Variants in DTNA observed in about 807,000 individuals in gnomAD.
DTNA encodes the protein dystrobrevin alpha.
Under a neutral mutation model 100.7 loss-of-function variants are expected in DTNA, and 43 were observed. The ratio of observed to expected loss-of-function variants is 0.43; its 90% CI spans 0.33 to 0.55. DTNA has a LOEUF of 0.55. Ranked by LOEUF, DTNA falls within the 20% of genes least tolerant of loss-of-function variation. The pLI is 0.04. For synonymous variants in DTNA, 349 were observed against 347.9 expected, an observed-to-expected ratio of 1.00 and a Z score of -0.04; for missense variants, 798 against 953.9, an observed-to-expected ratio of 0.84 and a Z score of 2.15.
At chr18:34,816,096 T>TA in intron 7 of DTNA, 82 bp downstream of exon 7, 2 of 1,422,866 alleles carry the variant, frequency 1.4e-6, no homozygotes, top group Non-Finnish European at 9.9e-7. Flanking sequence ...AAGCCCAGGC[T>TA]GTTGTTTTAG....
chr18:34,634,765 CATT>C (rs1454601315), intron 1 of DTNA, among the ~76,000 whole-genome samples: 1 of 152,012 alleles, frequency 6.6e-6, no homozygotes, highest in Non-Finnish European at 1.5e-5. Flanking sequence ...AATATGTAGA[CATT>C]GTGGAATGGC....
intron 9 of DTNA, among the ~76,000 whole-genome samples, chr18:34,824,743 T>C (rs2095815387): frequency 6.6e-6 from 1 of 152,038 alleles, no homozygotes; most frequent in African/African-American, 2.4e-5. Flanking sequence ...TTTTCTTTTT[T>C]CTTCTTTTTT....
intron 9 of DTNA, among the ~76,000 whole-genome samples, chr18:34,823,895 T>G (rs922695638): frequency 2.0e-5 from 3 of 152,228 alleles, no homozygotes; most frequent in African/African-American, 7.2e-5. Context: ...TCCTCTGTCC[T>G]GTACTGATGA....
intron 1 of DTNA, among the ~76,000 whole-genome samples, chr18:34,547,540 A>G (rs1468840325): frequency 6.6e-6 from 1 of 152,086 alleles, no homozygotes; most frequent in Admixed American, 6.6e-5. Flanking sequence ...ACTCAATGAA[A>G]ATTACACATT....
chr18:34,779,659 T>C (rs1397168105), intron 3 of DTNA, among the ~76,000 whole-genome samples: 1 of 152,174 alleles, frequency 6.6e-6, no homozygotes, highest in Non-Finnish European at 1.5e-5. Context: ...TCTTCCCTTT[T>C]CAAAGCCCCC....
Position 34,529,745 on chromosome 18 carries a change from A to G in DTNA, c.-2+36231A>G, listed in dbSNP as rs545202823. Among the ~76,000 whole-genome samples the G allele has an allele frequency of 1.2e-4, 18 of 152,242 alleles. No homozygotes were observed. The East Asian group carries it at 3.1e-3, about 26-fold the overall frequency. ...GTCTCTTAATATAAGCTGATATTAC[A>G]GTGTCAAATTGCATGTTAGTAAAAA... is the stretch of plus-strand genomic sequence containing the variant. On this transcript the variant is annotated intron_variant, in intron 1 of 19. Coordinates refer to the DTNA transcript ENST00000283365.
At chr18:34,756,243 T>C (rs2092760515) in intron 2 of DTNA, among the ~76,000 whole-genome samples, 200 bp downstream of exon 2, 1 of 152,224 alleles carries the variant, frequency 6.6e-6, no homozygotes, top group African/African-American at 2.4e-5. Context: ...AATTTGCTAT[T>C]AGACTGTCTA....
intron 1 of DTNA, among the ~76,000 whole-genome samples, chr18:34,726,153 G>A (rs756521260): frequency 6.6e-6 from 1 of 151,944 alleles, no homozygotes; most frequent in Non-Finnish European, 1.5e-5. Flanking sequence ...TGTAAATGAC[G>A]AGTTCATAGG....
chr18:34,746,378 T>G (rs2147914839), intron 1 of DTNA, among the ~76,000 whole-genome samples: 1 of 152,292 alleles, frequency 6.6e-6, no homozygotes, highest in Non-Finnish European at 1.5e-5. Flanking sequence ...TCCCCAAGAC[T>G]TAAGGACTTG....
At chr18:34,865,608 G>T (rs1450160399) in intron 17 of DTNA, among the ~76,000 whole-genome samples, 1 of 152,164 alleles carries the variant, frequency 6.6e-6, no homozygotes, top group African/African-American at 2.4e-5. Context: ...ATAACCTGCT[G>T]CTGTTTCTGG....
chr18:34,671,752 T>C (rs2076786506), intron 1 of DTNA, among the ~76,000 whole-genome samples: 1 of 152,216 alleles, frequency 6.6e-6, no homozygotes, highest in Admixed American at 6.5e-5. Context: ...TCTTCCTTTA[T>C]TTCTTCATTC....
chr18:34,741,702 G>A (rs2090680044), intron 1 of DTNA, among the ~76,000 whole-genome samples: 1 of 151,998 alleles, frequency 6.6e-6, no homozygotes, highest in Non-Finnish European at 1.5e-5. Context: ...TTTTATGCTG[G>A]CATTTATCAG....
intron 4 of DTNA, among the ~76,000 whole-genome samples, chr18:34,800,265 G>A (rs547200784): frequency 1.3e-5 from 2 of 152,326 alleles, no homozygotes; most frequent in African/African-American, 4.8e-5. Context: ...GGGAATAAAT[G>A]ATAAGACAAG....
At position 34,849,559 on chromosome 18, in the gene DTNA, A is replaced by G. The variant is rs184517070; in HGVS notation, c.1434+1176A>G. ...GCCTGTTATTAGCATCCACTGAGAT[A>G]GTAAAATGTGTGAAAGTACTGCATA... is the stretch of plus-strand genomic sequence containing the variant. On this transcript the variant is annotated intron_variant, in intron 14 of 22. Coordinates refer to ENST00000444659, the MANE Select transcript of DTNA (RefSeq NM_001386795.1). Among the ~76,000 whole-genome samples the G allele has an allele frequency of 1.9e-3, 293 of 152,356 alleles. 2 individuals carry two copies. Among genetic ancestry groups the G allele is most frequent in the Middle Eastern group, 0.017 (5 of 294 alleles).
intron 1 of DTNA, among the ~76,000 whole-genome samples, chr18:34,623,430 A>G (rs1184393930): frequency 6.6e-6 from 1 of 152,220 alleles, no homozygotes; most frequent in Non-Finnish European, 1.5e-5. Context: ...AATGTATAGT[A>G]CAAAAATTTT....
chr18:34,575,401 C>T (rs1231278584), intron 1 of DTNA, among the ~76,000 whole-genome samples: 1 of 152,174 alleles, frequency 6.6e-6, no homozygotes, highest in Non-Finnish European at 1.5e-5. Context: ...CTTACTATAT[C>T]CAACACCTAG....
intron 1 of DTNA, among the ~76,000 whole-genome samples, chr18:34,721,729 TATC>T (rs1438379725): frequency 6.6e-6 from 1 of 152,234 alleles, no homozygotes; most frequent in Non-Finnish European, 1.5e-5. Flanking sequence ...TATACAATTT[TATC>T]TTGCCTATGA....
rs187249790 is a variant in DTNA, at chr18:34,613,602, T to A, written c.-2+120088T>A. Among the ~76,000 whole-genome samples, 8 of 152,322 alleles carry A rather than the reference T, an allele frequency of 5.3e-5. No homozygotes were observed. The East Asian group carries it at 1.5e-3, about 29-fold the overall frequency. On this transcript the variant is annotated intron_variant, in intron 1 of 19. Coordinates refer to the DTNA transcript ENST00000283365. ...CTTATTGCTGATATAAAGAAAATTTTACCCATCTGGGAGGAAGATCAAATT... is the reference window on the plus strand; with the variant it reads ...CTTATTGCTGATATAAAGAAAATTTAACCCATCTGGGAGGAAGATCAAATT...
chr18:34,637,294 A>T (rs1416250204), intron 1 of DTNA, among the ~76,000 whole-genome samples: 1 of 152,184 alleles, frequency 6.6e-6, no homozygotes, highest in African/African-American at 2.4e-5. Context: ...CCAGGATTTA[A>T]TTAAGTGCAG....
Sources: allele counts gnomAD v4.1 joint callset (sites outside exome capture counted in the v4.1 genomes callset), GRCh38; gene constraint gnomAD v4.1.1; transcripts MANE v1.5; gene names NCBI Gene and HGNC (gene_info 2026-07-23, HGNC 2026-07-21).